The following LGALS3BP variants were observed in gnomAD, a reference collection of about 807,000 sequenced individuals.
The protein encoded by LGALS3BP is galectin-3-binding protein.
Under a neutral mutation model 22.9 loss-of-function variants are expected in LGALS3BP, and 25 were observed. The observed-to-expected ratio is 1.09, with a 90% CI of 0.80 to 1.53. The LOEUF (loss-of-function observed/expected upper bound fraction) is 1.53, where lower values mean the gene tolerates loss of function less well. Ranked by LOEUF, LGALS3BP falls within the 40% of genes most tolerant of loss-of-function variation. The probability of loss-of-function intolerance (pLI) is 0.00; values close to 1 mark genes in which losing one functional copy is unlikely to be tolerated. For missense variants in LGALS3BP, 718 were observed against 752.0 expected (o/e 0.95, Z 0.53); for synonymous variants, 335 against 331.1 (o/e 1.01, Z -0.13).
At chr17:78,978,473 T>C (rs7214286) in intron 1 of LGALS3BP, among the ~76,000 whole-genome samples, 137,687 of 152,316 alleles carry the variant, frequency 0.9, 62,795 homozygotes, top group Non-Finnish European at 0.96. Context: ...GAGAGGCAAA[T>C]GGGCTCCACA....
In LGALS3BP at chr17:78,977,171, G is replaced by C. The variant is rs1362902484; in HGVS notation, c.21C>G (p.Phe7Leu). The stretch of plus-strand genomic sequence containing the variant: ...TTCCTGCAACCAGCAGCCACACCCA[G>C]AAGAGCCTCGGAGGGGTCATGGCCG... MTPPRLFWVWLLVAGTQ... is the reference protein window; with the variant it reads MTPPRLLWVWLLVAGTQ... The change falls in exon 2 of 6, where the codon TTC becomes TTG. Residue 7 changes from phenylalanine to leucine, a missense_variant. By Grantham distance (22) the Phe-to-Leu change is conservative. Transcript: ENST00000262776. 6.2e-7 allele frequency: 1 copy of C among 1,613,348 alleles called. No homozygotes were observed. Among genetic ancestry groups the C allele is most frequent in the African/African-American group, 1.3e-5 (1 of 75,050 alleles).
At chr17:78,979,076 G>C (rs1194391396) in intron 1 of LGALS3BP, among the ~76,000 whole-genome samples, 1 of 5,142 alleles carries the variant, frequency 1.9e-4, no homozygotes, top group East Asian at 7.6e-4. Flanking sequence ...AAAAAAAAGG[G>C]GGGGGGGCAA....
chr17:78,979,110 G>C (rs1451474551), intron 1 of LGALS3BP, among the ~76,000 whole-genome samples: 1 of 151,728 alleles, frequency 6.6e-6, no homozygotes, highest in Non-Finnish European at 1.5e-5. Flanking sequence ...AGGTGGCGTC[G>C]CTGCCCTTTG....
intron 1 of LGALS3BP, 155 bp from the exon 2 acceptor site, chr17:78,977,369 C>T (rs1334675266): frequency 7.2e-5 from 45 of 629,108 alleles, no homozygotes; most frequent in Admixed American, 1.5e-4. Flanking sequence ...GTAAGTGTGA[C>T]GTGTGCTGTG....
chr17:78,974,426 C>A (rs963853839), intron 4 of LGALS3BP, among the ~76,000 whole-genome samples: 1 of 152,250 alleles, frequency 6.6e-6, no homozygotes, highest in Non-Finnish European at 1.5e-5. Context: ...CTGTGGCTCA[C>A]TGCCCCACAC....
rs750857660 is a variant in LGALS3BP at position 78,976,030 on chromosome 17, A to T, written c.179T>A (p.Val60Asp). 10 of 1,612,832 alleles carry T rather than the reference A, an allele frequency of 6.2e-6. No homozygotes were observed. The South Asian group carries it at 1.1e-4, about 18-fold the overall frequency. Residue 60 changes from valine to aspartate, a missense_variant, in exon 3 of 6, where the codon GTC becomes GAC. Physicochemically the swap from Val to Asp is radical, Grantham distance 152. Transcript: ENST00000262776. The surrounding 1 kb of genome is among the most constrained non-coding windows in gnomAD (Gnocchi z 4.6). Reference protein sequence around the residue: ...DNLWDLTDASVVCRALGFENA... With the variant: ...DNLWDLTDASDVCRALGFENA... ...CTCGAAGCCCAGGGCCCGGCAGACG[A>T]CGCTGGCATCAGTCAGGTCCCACAG...
chr17:78,971,317 TG>T lies in LGALS3BP; in HGVS notation c.*258del. 2 of 535,250 alleles carry T rather than the reference TG, an allele frequency of 3.7e-6. No individual in the cohort carries two copies. The allele number at this position is 535,250 out of a possible 1,614,324, so 33.2% of individuals were successfully genotyped here. On this transcript the variant is annotated 3_prime_UTR_variant, in exon 6 of 6. Coordinates refer to ENST00000262776, the MANE Select transcript of LGALS3BP (RefSeq NM_005567.4). The surrounding 1 kb of genome is among the most constrained non-coding windows in gnomAD (Gnocchi z 5.6). ...TGACAAGGGCAGACTGACCAGGGGC[TG>T]TGGGGGGATCCCAGAGCAACCTCGA...
At chr17:78,979,366 A>G (rs1177452800) in intron 1 of LGALS3BP, 4 of 152,296 alleles carry the variant, frequency 2.6e-5, no homozygotes, top group African/African-American at 4.8e-5. Flanking sequence ...GGGAGCAGCA[A>G]TGATTGTTGC....
rs202012874 is a variant in LGALS3BP, at chr17:78,972,336, C to T, written c.998G>A (p.Arg333His). 10 of 1,613,302 alleles carry T rather than the reference C, an allele frequency of 6.2e-6. 1 individual carries two copies. The highest frequency in any genetic ancestry group is 3.3e-5 in the Admixed American group (2 of 60,032). Residue 333 changes from arginine to histidine, a missense_variant, in exon 6 of 6, where the codon CGT (arginine) becomes CAT (histidine). By Grantham distance (29) the Arg-to-His change is conservative. Coordinates refer to ENST00000262776, the MANE Select transcript of LGALS3BP (RefSeq NM_005567.4). The surrounding 1 kb of genome is among the most constrained non-coding windows in gnomAD (Gnocchi z 5.1). ...KAVDTWSWGE[R>H]ASHEEVEGLV... Reference sequence around the variant, plus strand: ...GCCCTCCACCTCCTCATGGGAGGCACGCTCCCCCCAGCTCCAGGTGTCCAC... The same window carrying T: ...GCCCTCCACCTCCTCATGGGAGGCATGCTCCCCCCAGCTCCAGGTGTCCAC...
chr17:78,974,101 G>T (rs753122213), intron 4 of LGALS3BP, among the ~76,000 whole-genome samples: 1 of 152,268 alleles, frequency 6.6e-6, no homozygotes, highest in Non-Finnish European at 1.5e-5. Flanking sequence ...GATTCGACCC[G>T]TCCTGCCTTA....
At chr17:78,974,862 C>G in intron 3 of LGALS3BP, 43 bp from the exon 4 acceptor site, 6 of 1,602,134 alleles carry the variant, frequency 3.7e-6, no homozygotes, top group Non-Finnish European at 4.3e-6. Flanking sequence ...GTGACGACTG[C>G]ACCCAGGAGT....
chr17:78,976,854 C>G lies in LGALS3BP; in HGVS notation c.52+286G>C, dbSNP rs1248948127. The G allele has an allele frequency of 2.1e-6, 1 of 469,074 alleles. No homozygotes were observed. The highest frequency in any genetic ancestry group is 2.0e-5 in the African/African-American group (1 of 49,188). 29.1% of individuals were successfully genotyped at this position (469,074 alleles called of 1,614,324 possible). ...CAAGGCCACTGACCTCACAACGGCCCCTGTGACTGCTGGTTTGATCAGCCC... is the reference window on the plus strand; with the variant it reads ...CAAGGCCACTGACCTCACAACGGCCGCTGTGACTGCTGGTTTGATCAGCCC... On this transcript the variant is annotated intron_variant, in intron 2 of 5. Transcript: ENST00000262776. The surrounding 1 kb of genome is among the most constrained non-coding windows in gnomAD (Gnocchi z 4.6).
Position 78,974,828 on chromosome 17 carries a change from A to G in LGALS3BP, c.245-9T>C, listed in dbSNP as rs1260228046. On this transcript the variant is annotated splice_polypyrimidine_tract_variant and intron_variant, in intron 3 of 5. Transcript: ENST00000262776. ...CATGATGGGGCCTGATCCTGTGGACACAGCAGATGGCAGGGCTGGGGGCGT... is the reference window on the plus strand; with the variant it reads ...CATGATGGGGCCTGATCCTGTGGACGCAGCAGATGGCAGGGCTGGGGGCGT... 6 of 1,612,362 alleles carry G rather than the reference A, an allele frequency of 3.7e-6. No homozygotes were observed. Among genetic ancestry groups the G allele is most frequent in the Non-Finnish European group, 5.1e-6 (6 of 1,179,014 alleles).
In LGALS3BP at chr17:78,973,137, G is replaced by A; in HGVS notation, c.462C>T (p.Asp154=). The A allele has an allele frequency of 6.2e-7, 1 of 1,612,776 alleles. No individual in the cohort carries two copies. The highest frequency in any genetic ancestry group is 8.5e-7 in the Non-Finnish European group (1 of 1,179,724). Reference sequence around the variant, plus strand: ...CCTGCACATTCACGCTGATGGACAGGTCGCAGCCCCGCTGGCTGTCAAAGA... The same window carrying A: ...CCTGCACATTCACGCTGATGGACAGATCGCAGCCCCGCTGGCTGTCAAAGA... ...GQIFDSQRGC[D]LSISVNVQGE... is the part of the protein sequence containing the mutation. Residue 154 remains aspartate, a synonymous_variant, in exon 5 of 6, where the codon GAC becomes GAT. Coordinates refer to ENST00000262776, the MANE Select transcript of LGALS3BP (RefSeq NM_005567.4). This position sits in a 1 kb window ranked among gnomAD's most constrained non-coding sequence, Gnocchi z 5.8.
In LGALS3BP at chr17:78,976,151, T is replaced by G. The variant is rs1330136577; in HGVS notation, c.58A>C (p.Asn20His). Reference sequence around the variant, plus strand: ...TCGGCCAGCCGCATGTCACCATCGTTCACGCCTGCAGGCAGAGACCAGCGA... The same window carrying G: ...TCGGCCAGCCGCATGTCACCATCGTGCACGCCTGCAGGCAGAGACCAGCGA... ...WLLVAGTQGV[N>H]DGDMRLADGG... The change falls in exon 3 of 6, where the codon AAC (asparagine) becomes CAC (histidine). Residue 20 changes from asparagine to histidine, a missense_variant. By Grantham distance (68) the Asn-to-His change is moderately conservative (BLOSUM62 1). Coordinates refer to ENST00000262776, the MANE Select transcript of LGALS3BP (RefSeq NM_005567.4). This position sits in a 1 kb window ranked among gnomAD's most constrained non-coding sequence, Gnocchi z 4.6. 6.3e-7 allele frequency: 1 copy of G among 1,576,086 alleles called. No individual in the cohort carries two copies. The highest frequency in any genetic ancestry group is 2.3e-5 in the East Asian group (1 of 42,688).
At position 78,975,956 on chromosome 17, in the gene LGALS3BP, A is replaced by G. The variant is rs112194500; in HGVS notation, c.244+9T>C. ...CTCAGCCTCAGTGGAAGGGGACAGC[A>G]GGCCCTACCTTGCCCGAAGGCAGCT... On this transcript the variant is annotated intron_variant, in intron 3 of 5. Coordinates refer to ENST00000262776, the MANE Select transcript of LGALS3BP (RefSeq NM_005567.4). The G allele has an allele frequency of 6.3e-7, 1 of 1,595,134 alleles. No homozygotes were observed. Among genetic ancestry groups the G allele is most frequent in the East Asian group, 2.2e-5 (1 of 44,698 alleles).
chr17:78,973,277 C>A lies in LGALS3BP; in HGVS notation c.377-55G>T. The A allele has an allele frequency of 6.9e-7, 1 of 1,447,484 alleles. No individual in the cohort carries two copies. Among genetic ancestry groups the A allele is most frequent in the South Asian group, 1.4e-5 (1 of 71,038 alleles). 89.7% of individuals were successfully genotyped at this position (1,447,484 alleles called of 1,614,324 possible). On this transcript the variant is annotated intron_variant, in intron 4 of 5. Coordinates refer to ENST00000262776, the MANE Select transcript of LGALS3BP (RefSeq NM_005567.4). The surrounding 1 kb of genome is among the most constrained non-coding windows in gnomAD (Gnocchi z 5.8). ...CGTTAGGAGCCGGGGCACTGCCACT[C>A]TCTGGGGTCAGTGTCTTCATCTGAA...
At position 78,972,393 on chromosome 17, in the gene LGALS3BP, G is replaced by A. The variant is rs1227712765; in HGVS notation, c.941C>T (p.Ala314Val). Reference protein sequence around the residue: ...LQLLLPRSDLAVPSELALLKA... With the variant: ...LQLLLPRSDLVVPSELALLKA... The stretch of plus-strand genomic sequence containing the variant: ...CAGTAGGGCCAGCTCGCTGGGCACC[G>A]CCAGGTCGCTCCTGGGCAGCAGCAG... The change falls in exon 6 of 6, where the codon GCG (alanine) becomes GTG (valine). Residue 314 changes from alanine to valine, a missense_variant. Physicochemically the swap from Ala to Val is moderately conservative, Grantham distance 64 (BLOSUM62 0). Transcript: ENST00000262776. The surrounding 1 kb of genome is among the most constrained non-coding windows in gnomAD (Gnocchi z 5.1). 9.3e-6 allele frequency: 15 copies of A among 1,613,416 alleles called. No homozygotes were observed. Among genetic ancestry groups the A allele is most frequent in the East Asian group, 6.7e-5 (3 of 44,886 alleles).
Position 78,971,744 on chromosome 17 carries a change from G to A in LGALS3BP, c.1590C>T (p.Phe530=), listed in dbSNP as rs367590083. The change falls in exon 6 of 6, where the codon TTC becomes TTT. Residue 530 remains phenylalanine (F), a synonymous_variant. Transcript: ENST00000262776. This position sits in a 1 kb window ranked among gnomAD's most constrained non-coding sequence, Gnocchi z 5.6. Reference sequence around the variant, plus strand: ...CCTCGAAATCGGTGACGTCTGCCACGAAGAGCCCTTCGCAGAGCATCAGGG... The same window carrying A: ...CCTCGAAATCGGTGACGTCTGCCACAAAGAGCCCTTCGCAGAGCATCAGGG... ...NKALMLCEGL[F]VADVTDFEGW... 29 of 1,614,116 alleles carry A rather than the reference G, an allele frequency of 1.8e-5. No individual in the cohort carries two copies. The highest frequency in any genetic ancestry group is 1.8e-4 in the South Asian group (16 of 91,086).
Sources: allele counts gnomAD v4.1 joint callset (sites outside exome capture counted in the v4.1 genomes callset), GRCh38; gene constraint gnomAD v4.1.1; non-coding constraint Gnocchi (gnomAD v3.1); transcripts MANE v1.5; gene names NCBI Gene and HGNC (gene_info 2026-07-23, HGNC 2026-07-21).